Variants in PLCH2 observed in about 807,000 individuals in gnomAD.
The protein encoded by PLCH2 is 1-phosphatidylinositol 4,5-bisphosphate phosphodiesterase eta-2.
Under a neutral mutation model 134.7 loss-of-function variants are expected in PLCH2, and 98 were observed. The ratio of observed to expected loss-of-function variants is 0.73; its 90% CI spans 0.62 to 0.86. PLCH2 has a LOEUF of 0.86. PLCH2 is among the 40% of genes least tolerant of loss of function. The probability of loss-of-function intolerance (pLI) is 0.00; values close to 1 mark genes in which losing one functional copy is unlikely to be tolerated. For synonymous variants in PLCH2, 974 were observed against 827.5 expected (o/e 1.18, Z -3.04); for missense variants, 1,994 against 1,986.6 (o/e 1.00, Z -0.07).
intron 5 of PLCH2, among the ~76,000 whole-genome samples, 160 bp downstream of exon 5, chr1:2,484,778 GGA>G (rs1287946907): frequency 6.6e-6 from 1 of 152,208 alleles, no homozygotes; most frequent in East Asian, 1.9e-4. Flanking sequence ...GCTCTGAGAT[GGA>G]GAGATTAGGG....
chr1:2,489,243 T>C lies in PLCH2; in HGVS notation c.1272T>C (p.Ser424=), dbSNP rs754943270. The change falls in exon 9 of 22, where the codon AGT becomes AGC. Residue 424 remains serine (S), a synonymous_variant. Transcript: ENST00000378486. ...PVILSIENHC[S]VIQQKKMAQY... is the part of the protein sequence containing the mutation. ...TCCTGTCCATCGAAAACCACTGCAG[T>C]GTCATCCAGCAGAAGAAAATGGCCC... 2 of 1,613,796 alleles carry C rather than the reference T, an allele frequency of 1.2e-6. No homozygotes were observed. The highest frequency in any genetic ancestry group is 2.2e-5 in the East Asian group (1 of 44,876).
At chr1:2,497,137 G>A in intron 15 of PLCH2, 127 bp downstream of exon 15, 1 of 913,024 alleles carries the variant, frequency 1.1e-6, no homozygotes, top group East Asian at 2.6e-5. Context: ...TGCCCTTGGA[G>A]CCTCCACACC....
upstream of PLCH2, among the ~76,000 whole-genome samples, chr1:2,472,458 G>C (rs1388876609): frequency 6.6e-6 from 1 of 152,226 alleles, no homozygotes; most frequent in Non-Finnish European, 1.5e-5. Flanking sequence ...GGGCGCGGAA[G>C]AGCCAGGGCC....
At chr1:2,437,364 C>CCT (rs1240631817) in intron 2 of PLCH2, among the ~76,000 whole-genome samples, 1 of 152,174 alleles carries the variant, frequency 6.6e-6, no homozygotes, top group Non-Finnish European at 1.5e-5. Flanking sequence ...CTGACTTAGA[C>CCT]CTCCTCTGGC....
the PLCH2 span, among the ~76,000 whole-genome samples, chr1:2,417,401 A>G: frequency 2.1e-5 from 3 of 140,880 alleles, no homozygotes; most frequent in Non-Finnish European, 4.8e-5. Context: ...GGGGGCACTA[A>G]GGGTGGGCCC....
At chr1:2,429,989 G>A (rs1638990938) in intron 1 of PLCH2, among the ~76,000 whole-genome samples, 1 of 152,194 alleles carries the variant, frequency 6.6e-6, no homozygotes, top group South Asian at 2.1e-4. Flanking sequence ...ATCAAGCTGT[G>A]GGGAAAGTGT....
At chr1:2,436,873 G>T (rs1266588186) in intron 2 of PLCH2, among the ~76,000 whole-genome samples, 1 of 152,222 alleles carries the variant, frequency 6.6e-6, no homozygotes, top group Admixed American at 6.5e-5. Context: ...GCAGGGGAGG[G>T]TGTGGGCAGC....
At chr1:2,485,560 G>C (rs1277337888) in intron 5 of PLCH2, among the ~76,000 whole-genome samples, 1 of 151,244 alleles carries the variant, frequency 6.6e-6, no homozygotes, top group Non-Finnish European at 1.5e-5. Context: ...TCAGCCTGGG[G>C]GTGCTGCTTA....
intron 2 of PLCH2, among the ~76,000 whole-genome samples, chr1:2,457,147 G>T (rs1640535795): frequency 6.6e-6 from 1 of 152,192 alleles, no homozygotes; most frequent in Non-Finnish European, 1.5e-5. Flanking sequence ...AGGATGGCCT[G>T]GGGCTGGGGG....
intron 4 of PLCH2, among the ~76,000 whole-genome samples, chr1:2,483,016 C>T (rs775044710): frequency 7.2e-5 from 11 of 152,328 alleles, no homozygotes; most frequent in African/African-American, 2.2e-4. Context: ...GCTGAGAGCA[C>T]GCCGTCCTCA....
rs368334294 is a variant in PLCH2, at chr1:2,483,876, T to TA, written c.646-572_646-571insA. Among the ~76,000 whole-genome samples the TA allele has an allele frequency of 8.8e-5, 2 of 22,644 alleles. 1 individual carries two copies. Among genetic ancestry groups the TA allele is most frequent in the Non-Finnish European group, 1.9e-4 (2 of 10,756 alleles). The allele number at this position is 22,644 out of a possible 152,430, so 14.9% of individuals were successfully genotyped here. A position where few individuals can be genotyped will look rare whatever the true frequency, so the allele number is the denominator to read the frequency against. ...GTGTGGGGTGGCGCTGACCCCCGTG[T>TA]GGGTGGCGCTGACTCCCGTGTGGGG... On this transcript the variant is annotated intron_variant, in intron 4 of 21. Coordinates refer to ENST00000378486, the MANE Select transcript of PLCH2 (RefSeq NM_014638.4).
At chr1:2,433,565 A>G (rs146400304) in intron 2 of PLCH2, among the ~76,000 whole-genome samples, 2,717 of 152,306 alleles carry the variant, frequency 0.018, 34 homozygotes, top group Non-Finnish European at 0.03. Context: ...GTGTCCGCAC[A>G]GCAGGAGCCT....
At chr1:2,419,915 C>T in the PLCH2 span, among the ~76,000 whole-genome samples, 1 of 152,032 alleles carries the variant, frequency 6.6e-6, no homozygotes. Context: ...CACCTGCTGC[C>T]CGTAGTCGGC....
chr1:2,435,000 C>A (rs1465231357), intron 2 of PLCH2, among the ~76,000 whole-genome samples: 1 of 152,170 alleles, frequency 6.6e-6, no homozygotes, highest in Non-Finnish European at 1.5e-5. Context: ...CTGAGAAGTC[C>A]GTGGCCTGCG....
intron 5 of PLCH2, 60 bp from the exon 6 acceptor site, chr1:2,486,847 C>A: frequency 7.4e-7 from 1 of 1,350,212 alleles, no homozygotes. Context: ...GGGGGAGCTG[C>A]CTGAGGCTAT....
At chr1:2,494,378 C>T (rs1197500979) in intron 11 of PLCH2, 3 of 181,758 alleles carry the variant, frequency 1.7e-5, no homozygotes, top group South Asian at 1.0e-4. Flanking sequence ...TCAGGGAGTG[C>T]CCACCTGGAG....
At chr1:2,457,352 G>T (rs554182152) in intron 2 of PLCH2, among the ~76,000 whole-genome samples, 3 of 152,290 alleles carry the variant, frequency 2.0e-5, no homozygotes, top group Admixed American at 1.3e-4. Flanking sequence ...ACCTGTGAGT[G>T]GCCAGGGGCT....
At chr1:2,462,637 T>A (rs1165986025), upstream of PLCH2, among the ~76,000 whole-genome samples, 1 of 152,152 alleles carries the variant, frequency 6.6e-6, no homozygotes, top group Non-Finnish European at 1.5e-5. Flanking sequence ...CCAGGCGATG[T>A]GCTCCTCTGT....
chr1:2,454,448 G>A (rs973825081), intron 2 of PLCH2, among the ~76,000 whole-genome samples: 1 of 152,228 alleles, frequency 6.6e-6, no homozygotes, highest in Admixed American at 6.5e-5. Context: ...GTGACATGAT[G>A]TGGTGTGGTC....
Sources: gnomAD v4.1 joint callset for allele counts (sites outside exome capture counted in the v4.1 genomes callset) on GRCh38, gnomAD v4.1.1 for gene constraint, MANE v1.5 for transcripts, NCBI Gene and HGNC (gene_info 2026-07-23, HGNC 2026-07-21) for gene names.